Variants in CHID1 observed in about 807,000 individuals in gnomAD.
The protein encoded by CHID1 is chitinase domain-containing protein 1.
A neutral mutation model predicts 55.4 loss-of-function variants in CHID1; 44 were observed. That is an observed-to-expected ratio of 0.79 (90% CI 0.62 to 1.02). CHID1 has a LOEUF of 1.02. Among genes scored for constraint, CHID1 ranks in the 50% least tolerant of loss-of-function variants. The pLI is 0.00. For synonymous variants in CHID1, 216 were observed against 212.9 expected, an observed-to-expected ratio of 1.01 and a Z score of -0.13; for missense variants, 491 against 515.3, an observed-to-expected ratio of 0.95 and a Z score of 0.46.
intron 8 of CHID1, among the ~76,000 whole-genome samples, chr11:885,189 C>T (rs1169319162): frequency 6.6e-6 from 1 of 152,320 alleles, no homozygotes; most frequent in East Asian, 1.9e-4. Context: ...TCAAGGGTCA[C>T]TGGGCTACCA....
At chr11:885,975 C>T (rs1024465373) in intron 8 of CHID1, among the ~76,000 whole-genome samples, 3 of 151,754 alleles carry the variant, frequency 2.0e-5, no homozygotes, top group Admixed American at 1.3e-4. Context: ...AGTGAAACCC[C>T]GTCTCTACTA....
chr11:888,548 G>A (rs963856685), intron 8 of CHID1, among the ~76,000 whole-genome samples: 13 of 152,236 alleles, frequency 8.5e-5, no homozygotes, highest in African/African-American at 2.4e-4. Context: ...AGCTTGTCAC[G>A]GATTAGACGC....
chr11:900,865 C>A, intron 5 of CHID1, 71 bp downstream of exon 5: 1 of 1,321,176 alleles, frequency 7.6e-7, no homozygotes, highest in East Asian at 2.6e-5. Context: ...CACGTGGAGA[C>A]CCCAGTGCCC....
At position 908,507 on chromosome 11, in the gene CHID1, C is replaced by T; in HGVS notation, c.-44+2268G>A. The T allele has an allele frequency of 5.5e-6, 5 of 904,840 alleles. No homozygotes were observed. The South Asian group carries it at 1.5e-4, about 28-fold the overall frequency. 56.1% of individuals were successfully genotyped at this position (904,840 alleles called of 1,614,324 possible). ...CCAGGGAAGGTGGGGAGGGTTCTGG[C>T]CATGGCACAGGGAAGACGGCCCAGA... On this transcript the variant is annotated intron_variant, in intron 1 of 12. Coordinates refer to ENST00000323578, the MANE Select transcript of CHID1 (RefSeq NM_023947.4).
At chr11:914,713 C>T (rs7479978), upstream of CHID1, 1,299 of 385,170 alleles carry the variant, frequency 3.4e-3, 6 homozygotes, top group Non-Finnish European at 3.8e-3. Context: ...ACAGATAGGA[C>T]CCTGTCTCAA....
intron 9 of CHID1, 67 bp from the exon 10 acceptor site, chr11:883,370 C>A: frequency 6.7e-7 from 1 of 1,497,366 alleles, no homozygotes. Context: ...ATCATTGGGG[C>A]CCTCCACTGA....
chr11:891,675 G>A (rs1030245065), intron 8 of CHID1, among the ~76,000 whole-genome samples: 1 of 152,192 alleles, frequency 6.6e-6, no homozygotes, highest in Non-Finnish European at 1.5e-5. Context: ...TGGACAAGGA[G>A]TGTCTGCTGC....
upstream of CHID1, chr11:911,018 C>G: frequency 6.4e-6 from 1 of 157,160 alleles, no homozygotes; most frequent in Non-Finnish European, 1.4e-5. Context: ...CCTTGAGCGC[C>G]CCTGGTGCTC....
chr11:914,407 G>T, upstream of CHID1: 2 of 682,764 alleles, frequency 2.9e-6, no homozygotes, highest in South Asian at 1.6e-5. Flanking sequence ...CCTGTCTGCC[G>T]TGGGCATGGG....
intron 5 of CHID1, among the ~76,000 whole-genome samples, chr11:900,550 C>G (rs1851730170): frequency 6.6e-6 from 1 of 152,198 alleles, no homozygotes. Context: ...CCCCCTTCCC[C>G]AGCCGTGAGC....
chr11:877,662 G>C (rs201117333), intron 10 of CHID1, among the ~76,000 whole-genome samples: 15 of 152,358 alleles, frequency 9.8e-5, no homozygotes, highest in Admixed American at 2.6e-4. Context: ...AGGGTGAAGT[G>C]TGTGATGTCT....
In CHID1 at chr11:875,980, C is replaced by T. The variant is rs1011387555; in HGVS notation, c.960-5481G>A. Among the ~76,000 whole-genome samples the T allele has an allele frequency of 3.3e-5, 5 of 152,018 alleles. No homozygotes were observed. The highest frequency in any genetic ancestry group is 9.7e-5 in the African/African-American group (4 of 41,368). Reference sequence around the variant, plus strand: ...AGGCGCCGCATTGCTTGGCGGTGCACGTGGTGTGTGGGGGCATGTGAGGCT... The same window carrying T: ...AGGCGCCGCATTGCTTGGCGGTGCATGTGGTGTGTGGGGGCATGTGAGGCT... On this transcript the variant is annotated intron_variant, in intron 10 of 12. Transcript: ENST00000323578. This position sits in a 1 kb window ranked among gnomAD's most constrained non-coding sequence, Gnocchi z 4.7.
intron 3 of CHID1, 80 bp from the exon 4 acceptor site, chr11:902,410 C>T: frequency 6.5e-7 from 1 of 1,531,448 alleles, no homozygotes; most frequent in Non-Finnish European, 9.0e-7. Context: ...TCTGGCGCCT[C>T]TGGACGTGCC....
At chr11:912,287 C>G (rs1445251626), upstream of CHID1, among the ~76,000 whole-genome samples, 1 of 152,066 alleles carries the variant, frequency 6.6e-6, no homozygotes, top group African/African-American at 2.4e-5. Flanking sequence ...TGCACTCCAG[C>G]CTGGGTGATA....
intron 10 of CHID1, among the ~76,000 whole-genome samples, chr11:876,713 G>C (rs565647906): frequency 6.6e-6 from 1 of 152,232 alleles, no homozygotes. Flanking sequence ...CGGCCGGCTC[G>C]GCAGCTGTGA....
rs1042618226 is a variant in CHID1 at position 905,668 on chromosome 11, C to CA, written c.-43-810dup. Among the ~76,000 whole-genome samples, 720 of 130,732 alleles carry CA rather than the reference C, an allele frequency of 5.5e-3. 7 individuals carry two copies. Among genetic ancestry groups the CA allele is most frequent in the East Asian group, 0.04 (186 of 4,610 alleles). The allele number at this position is 130,732 out of a possible 152,430, so 85.8% of individuals were successfully genotyped here. A position where few individuals can be genotyped will look rare whatever the true frequency, so the allele number is the denominator to read the frequency against. Reference sequence around the variant, plus strand: ...CTGGGGACAGAGCAAGACTCCATCTCAAAAAAAAAAAAGAAAAAAATCGTA... The same window carrying CA: ...CTGGGGACAGAGCAAGACTCCATCTCAAAAAAAAAAAAAGAAAAAAATCGTA... On this transcript the variant is annotated intron_variant, in intron 1 of 12. Coordinates refer to ENST00000323578, the MANE Select transcript of CHID1 (RefSeq NM_023947.4).
upstream of CHID1, chr11:914,564 A>C: frequency 1.6e-6 from 2 of 1,289,420 alleles, no homozygotes; most frequent in Non-Finnish European, 2.0e-6. Flanking sequence ...TGCCTCTCAC[A>C]GACATCCTCA....
chr11:875,192 C>T lies in CHID1; in HGVS notation c.960-4693G>A, dbSNP rs1375439382. Among the ~76,000 whole-genome samples the T allele has an allele frequency of 1.3e-5, 2 of 152,270 alleles. No homozygotes were observed. Among genetic ancestry groups the T allele is most frequent in the Non-Finnish European group, 2.9e-5 (2 of 68,048 alleles). On this transcript the variant is annotated intron_variant, in intron 10 of 12. Transcript: ENST00000323578. This position sits in a 1 kb window ranked among gnomAD's most constrained non-coding sequence, Gnocchi z 4.7. ...CCTCCCCAAGCCCACCCTGCAGACA[C>T]TGAAACCCCAGGCCAGGTGCTCCTA...
chr11:897,805 G>C (rs539801006), intron 7 of CHID1, among the ~76,000 whole-genome samples: 1 of 152,292 alleles, frequency 6.6e-6, no homozygotes, highest in South Asian at 2.1e-4. Flanking sequence ...GTGGGGTCTG[G>C]GCACCAGGAT....
Sources: allele counts gnomAD v4.1 joint callset (sites outside exome capture counted in the v4.1 genomes callset), GRCh38; gene constraint gnomAD v4.1.1; non-coding constraint Gnocchi (gnomAD v3.1); transcripts MANE v1.5; gene names NCBI Gene and HGNC (gene_info 2026-07-23, HGNC 2026-07-21).